PLXNA1: variants seen among roughly 807,000 people sequenced by gnomAD.
The protein encoded by PLXNA1 is plexin-A1.
A neutral mutation model predicts 191.7 loss-of-function variants in PLXNA1; 77 were observed. The ratio of observed to expected loss-of-function variants is 0.40; its 90% CI spans 0.33 to 0.49. The LOEUF (loss-of-function observed/expected upper bound fraction) is 0.49. Among genes scored for constraint, PLXNA1 ranks in the 20% least tolerant of loss-of-function variants. PLXNA1 has a pLI of 0.63. For missense variants in PLXNA1, 2,110 were observed against 2,660.2 expected, an observed-to-expected ratio of 0.79 and a Z score of 4.55; for synonymous variants, 1,137 against 1,156.4, an observed-to-expected ratio of 0.98 and a Z score of 0.34.
At position 127,007,915 on chromosome 3, in the gene PLXNA1, T is replaced by A. The variant is rs1327980215; in HGVS notation, c.2112+2T>A. 1 of 1,602,262 alleles carries A rather than the reference T, an allele frequency of 6.2e-7. No individual in the cohort carries two copies. Among genetic ancestry groups the A allele is most frequent in the Non-Finnish European group, 8.5e-7 (1 of 1,171,292 alleles). On this transcript the variant is annotated splice_donor_variant, in intron 9 of 31. Coordinates refer to ENST00000393409, the MANE Select transcript of PLXNA1 (RefSeq NM_032242.4). LOFTEE classifies it high-confidence loss of function. ...GAGGGCCGTGTCAACGTGTCTGAGG[T>A]AAGGCCGGGCAAGGGTGAGGGTCAG...
intron 21 of PLXNA1, among the ~76,000 whole-genome samples, chr3:127,020,560 GT>G (rs1186414915): frequency 6.6e-6 from 1 of 152,160 alleles, no homozygotes; most frequent in Non-Finnish European, 1.5e-5. Flanking sequence ...GAGCCCTGGG[GT>G]TGGGGCAGGG....
intron 15 of PLXNA1, 106 bp from the exon 16 acceptor site, chr3:127,016,411 T>C: frequency 1.0e-6 from 1 of 963,938 alleles, no homozygotes; most frequent in African/African-American, 1.6e-5. Flanking sequence ...CCCAAGGCAG[T>C]ACCTGTGACA....
chr3:127,028,726 G>A (rs1021151864), intron 25 of PLXNA1: 4 of 547,912 alleles, frequency 7.3e-6, no homozygotes, highest in Admixed American at 6.8e-5. Flanking sequence ...CAGAAGCCTC[G>A]GTGCCAGGCT....
chr3:126,996,363 G>C (rs538225834), intron 3 of PLXNA1, among the ~76,000 whole-genome samples: 15 of 152,264 alleles, frequency 9.9e-5, no homozygotes, highest in Non-Finnish European at 1.8e-4. Context: ...ATGCTTTAGA[G>C]GCCTCTTTGC....
At position 127,008,256 on chromosome 3, in the gene PLXNA1, TGGG is replaced by T. The variant is rs2079078445; in HGVS notation, c.2112+346_2112+348del. On this transcript the variant is annotated intron_variant, in intron 9 of 31. Coordinates refer to ENST00000393409, the MANE Select transcript of PLXNA1 (RefSeq NM_032242.4). ...GCAGACACGGGCTCCTGGGTGCAAT[TGGG>T]GGCACTGTCAGGCTGCAAAGCAGGT... 2.0e-5 allele frequency among the ~76,000 whole-genome samples: 3 copies of T among 151,940 alleles called. No individual in the cohort carries two copies. The South Asian group carries it at 6.3e-4, about 32-fold the overall frequency.
intron 3 of PLXNA1, among the ~76,000 whole-genome samples, chr3:127,001,490 G>C (rs1343238051): frequency 6.6e-6 from 1 of 152,212 alleles, no homozygotes; most frequent in Non-Finnish European, 1.5e-5. Flanking sequence ...GGGAGCTGGG[G>C]CTGGGCTTCA....
At position 126,989,201 on chromosome 3, in the gene PLXNA1, G is replaced by C; in HGVS notation, c.608G>C (p.Ser203Thr). The C allele has an allele frequency of 6.2e-7, 1 of 1,613,608 alleles. No individual in the cohort carries two copies. Among genetic ancestry groups the C allele is most frequent in the Non-Finnish European group, 8.5e-7 (1 of 1,180,044 alleles). The change falls in exon 2 of 32, where the codon AGC (serine) becomes ACC (threonine). Residue 203 changes from serine (S) to threonine (T), a missense_variant. Around this residue, in one of 4 missense-constraint regions of PLXNA1, gnomAD observed 903 missense variants for 1,015.7 expected, o/e 0.89. Transcript: ENST00000393409. ...GKSEYFPTLS[S>T]RRLMANEEDA... ...TCCGAGTACTTCCCCACACTGTCCA[G>C]CCGTCGGCTCATGGCCAACGAGGAG... is the stretch of plus-strand genomic sequence containing the variant.
intron 26 of PLXNA1, 128 bp downstream of exon 26, chr3:127,029,224 G>T: frequency 1.2e-6 from 1 of 840,072 alleles, no homozygotes. Context: ...AGGGGAGGTG[G>T]TCACTTATGT....
chr3:127,030,420 A>G lies in PLXNA1; in HGVS notation c.5231+8A>G. On this transcript the variant is annotated splice_region_variant and intron_variant, in intron 29 of 31. Coordinates refer to ENST00000393409, the MANE Select transcript of PLXNA1 (RefSeq NM_032242.4). ...CACCTGGAAGAGCAACTGGTAATGC[A>G]GGGCAGGGGGAGGAGGGGCATCCCC... The G allele has an allele frequency of 6.2e-7, 1 of 1,613,504 alleles. No individual in the cohort carries two copies. The highest frequency in any genetic ancestry group is 8.5e-7 in the Non-Finnish European group (1 of 1,179,848).
At chr3:127,001,869 C>T (rs1234845084) in intron 3 of PLXNA1, among the ~76,000 whole-genome samples, 5 of 152,260 alleles carry the variant, frequency 3.3e-5, no homozygotes, top group Non-Finnish European at 7.3e-5. Context: ...GGCCCAGAGG[C>T]TGGTCCTGGC....
rs1172555574 is a variant in PLXNA1 at position 126,983,278 on chromosome 3, G to A, written c.-83G>A. Among the ~76,000 whole-genome samples, 3 of 144,000 alleles carry A rather than the reference G, an allele frequency of 2.1e-5. No individual in the cohort carries two copies. Among genetic ancestry groups the A allele is most frequent in the African/African-American group, 7.5e-5 (3 of 40,224 alleles). The allele number at this position is 144,000 out of a possible 152,430, so 94.5% of individuals were successfully genotyped here. On this transcript the variant is annotated 5_prime_UTR_variant, in exon 1 of 32. Transcript: ENST00000393409. ...GATGGCCGGCGGCGGGGCGCGCCCCGGGGCGGCGGGTGAGTCGGGGCGCAA... is the reference window on the plus strand; with the variant it reads ...GATGGCCGGCGGCGGGGCGCGCCCCAGGGCGGCGGGTGAGTCGGGGCGCAA...
chr3:127,025,988 A>G (rs1026208326), intron 23 of PLXNA1, among the ~76,000 whole-genome samples: 4 of 152,218 alleles, frequency 2.6e-5, no homozygotes, highest in Non-Finnish European at 5.9e-5. Flanking sequence ...CCTGGAAGGG[A>G]GGATGGAGAA....
At chr3:127,001,807 C>T (rs1313677782) in intron 3 of PLXNA1, among the ~76,000 whole-genome samples, 1 of 152,228 alleles carries the variant, frequency 6.6e-6, no homozygotes, top group Non-Finnish European at 1.5e-5. Context: ...ATATAATCCT[C>T]AGAACAACTC....
chr3:127,030,463 T>C, intron 29 of PLXNA1, 51 bp downstream of exon 29: 1 of 1,599,058 alleles, frequency 6.3e-7, no homozygotes, highest in Non-Finnish European at 8.5e-7. Context: ...AGGCCAGATG[T>C]GTTCCCAGGG....
intron 27 of PLXNA1, 147 bp downstream of exon 27, chr3:127,029,683 C>T (rs2079196683): frequency 1.8e-6 from 2 of 1,092,690 alleles, no homozygotes; most frequent in East Asian, 5.1e-5. Flanking sequence ...GCCTTACCCT[C>T]CAGCTCTGGA....
chr3:126,990,654 G>A (rs1226547327), intron 2 of PLXNA1, among the ~76,000 whole-genome samples: 2 of 152,220 alleles, frequency 1.3e-5, no homozygotes, highest in Non-Finnish European at 2.9e-5. Flanking sequence ...TCTGACCTGA[G>A]GGTGTTGCTG....
At chr3:127,032,984 G>A (rs996169121) in intron 31 of PLXNA1, 148 bp downstream of exon 31, 11 of 838,086 alleles carry the variant, frequency 1.3e-5, no homozygotes, top group South Asian at 1.8e-5. Context: ...TGGCCACCTG[G>A]TTCCTTGGGG....
intron 2 of PLXNA1, 77 bp downstream of exon 2, chr3:126,989,864 C>A: frequency 8.1e-7 from 1 of 1,227,534 alleles, no homozygotes; most frequent in Non-Finnish European, 1.2e-6. Context: ...CAGATGCACG[C>A]CCAGTGGTGC....
intron 1 of PLXNA1, among the ~76,000 whole-genome samples, chr3:126,988,013 T>G (rs1006096602): frequency 9.9e-5 from 15 of 151,778 alleles, no homozygotes; most frequent in African/African-American, 3.6e-4. Flanking sequence ...GAGGTGGGAG[T>G]GAGCACTAAA....
Sources: gnomAD v4.1 joint callset for allele counts (sites outside exome capture counted in the v4.1 genomes callset) on GRCh38, gnomAD v4.1.1 for gene constraint, gnomAD v4.1.1 regional missense constraint, MANE v1.5 for transcripts, NCBI Gene and HGNC (gene_info 2026-07-23, HGNC 2026-07-21) for gene names.